KCNB2: variants seen among roughly 807,000 people sequenced by gnomAD.
KCNB2 encodes delayed rectifier potassium channel protein.
A neutral mutation model predicts 61.5 loss-of-function variants in KCNB2; 15 were observed. That is an observed-to-expected ratio of 0.24 (90% CI 0.16 to 0.38). The LOEUF is 0.38. Ranked by LOEUF, KCNB2 falls within the 10% of genes least tolerant of loss-of-function variation. KCNB2 has a pLI of 1.00. For synonymous variants in KCNB2, 457 were observed against 446.0 expected, an observed-to-expected ratio of 1.02 and a Z score of -0.31; for missense variants, 828 against 1,125.2, an observed-to-expected ratio of 0.74 and a Z score of 3.78.
intron 2 of KCNB2, among the ~76,000 whole-genome samples, chr8:72,688,757 C>T (rs1378688882): frequency 2.0e-5 from 3 of 152,074 alleles, no homozygotes; most frequent in Non-Finnish European, 4.4e-5. Context: ...GACAAGGTCT[C>T]ACTCTGTTAC....
chr8:72,573,180 C>T (rs80136607), intron 2 of KCNB2, among the ~76,000 whole-genome samples: 9 of 86,040 alleles, frequency 1.0e-4, no homozygotes, highest in African/African-American at 1.7e-4. Flanking sequence ...TAAAATAAAA[C>T]AAAAACTCCT....
At chr8:72,576,003 A>C (rs1806789026) in intron 2 of KCNB2, among the ~76,000 whole-genome samples, 1 of 152,234 alleles carries the variant, frequency 6.6e-6, no homozygotes, top group South Asian at 2.1e-4. Flanking sequence ...CTGTCTGTTT[A>C]CCCATTTGAA....
chr8:72,785,634 A>T (rs908517259), intron 2 of KCNB2, among the ~76,000 whole-genome samples: 5 of 152,162 alleles, frequency 3.3e-5, no homozygotes, highest in Admixed American at 6.6e-5. Context: ...CCTGTTTTAT[A>T]TGATTGGAGA....
chr8:72,820,985 TAA>T (rs889961116), intron 2 of KCNB2, among the ~76,000 whole-genome samples: 12 of 152,282 alleles, frequency 7.9e-5, no homozygotes, highest in Admixed American at 7.8e-4. Context: ...TGTAATCTGC[TAA>T]AGTTTTTTTT....
intron 2 of KCNB2, among the ~76,000 whole-genome samples, chr8:72,809,370 G>A (rs1308700309): frequency 6.6e-6 from 1 of 151,916 alleles, no homozygotes; most frequent in Non-Finnish European, 1.5e-5. Context: ...TTCTCCCAAT[G>A]GCATATATGA....
intron 2 of KCNB2, among the ~76,000 whole-genome samples, chr8:72,631,384 G>A (rs561234894): frequency 8.5e-5 from 13 of 152,270 alleles, no homozygotes; most frequent in African/African-American, 2.9e-4. Context: ...AGCGTCTGGT[G>A]GTTTGCTGGC....
chr8:72,641,095 T>G (rs1295952815), intron 2 of KCNB2, among the ~76,000 whole-genome samples: 1 of 152,058 alleles, frequency 6.6e-6, no homozygotes, highest in Non-Finnish European at 1.5e-5. Flanking sequence ...GTTGCCACCT[T>G]GTATAATTAT....
At chr8:72,568,989 G>C (rs1806669163) in intron 2 of KCNB2, among the ~76,000 whole-genome samples, 2 of 151,788 alleles carry the variant, frequency 1.3e-5, no homozygotes, top group African/African-American at 2.4e-5. Flanking sequence ...TTAAAATGAA[G>C]GTAAATTCAT....
chr8:72,647,428 T>C (rs555290454), intron 2 of KCNB2, among the ~76,000 whole-genome samples: 1 of 152,310 alleles, frequency 6.6e-6, no homozygotes, highest in African/African-American at 2.4e-5. Flanking sequence ...GAAATTAATA[T>C]AAATTTTAAA....
At chr8:72,548,360 T>C (rs994823565) in intron 1 of KCNB2, among the ~76,000 whole-genome samples, 3 of 152,204 alleles carry the variant, frequency 2.0e-5, no homozygotes, top group Admixed American at 6.5e-5. Flanking sequence ...AACCAGTCAT[T>C]GACGCATAAC....
At chr8:72,922,600 A>G (rs139715711) in intron 2 of KCNB2, among the ~76,000 whole-genome samples, 38 of 152,318 alleles carry the variant, frequency 2.5e-4, no homozygotes, top group African/African-American at 8.9e-4. Context: ...TGCTCTCTTC[A>G]GCCTGTCTTA....
chr8:72,766,904 C>T (rs56731955), intron 2 of KCNB2, among the ~76,000 whole-genome samples: 4,074 of 152,226 alleles, frequency 0.027, 63 homozygotes, highest in African/African-American at 0.037. Flanking sequence ...CTTACAGTTC[C>T]GCATGACTAG....
At chr8:72,742,273 T>C (rs1484940969) in intron 2 of KCNB2, among the ~76,000 whole-genome samples, 1 of 152,242 alleles carries the variant, frequency 6.6e-6, no homozygotes, top group East Asian at 1.9e-4. Flanking sequence ...AAGTTTCTCC[T>C]TCTTGAAGTA....
intron 2 of KCNB2, among the ~76,000 whole-genome samples, chr8:72,597,342 C>T (rs886894852): frequency 6.6e-6 from 1 of 152,032 alleles, no homozygotes. Context: ...CCCATGTTTT[C>T]CCTTTTATAA....
Position 72,561,764 on chromosome 8 carries a change from T to TAC in KCNB2, c.-93-5877_-93-5876insCA, listed in dbSNP as rs1563523568. Reference sequence around the variant, plus strand: ...ATATATATGTATATATATATATGGATATATATATATATGGATATATATATA... The same window carrying TAC: ...ATATATATGTATATATATATATGGATACATATATATATATGGATATATATATA... On this transcript the variant is annotated intron_variant, in intron 1 of 2. Transcript: ENST00000523207. Among the ~76,000 whole-genome samples, 45 of 25,496 alleles carry TAC rather than the reference T, an allele frequency of 1.8e-3. 2 individuals carry two copies. The highest frequency in any genetic ancestry group is 9.4e-3 in the African/African-American group (43 of 4,580). The allele number at this position is 25,496 out of a possible 152,430, so 16.7% of individuals were successfully genotyped here.
chr8:72,582,241 G>T (rs933855328), intron 2 of KCNB2, among the ~76,000 whole-genome samples: 2 of 152,220 alleles, frequency 1.3e-5, no homozygotes, highest in African/African-American at 2.4e-5. Flanking sequence ...AATCTTATCT[G>T]CATGTGCCCT....
At chr8:72,693,907 T>C (rs1806978561) in intron 2 of KCNB2, among the ~76,000 whole-genome samples, 1 of 152,170 alleles carries the variant, frequency 6.6e-6, no homozygotes, top group Non-Finnish European at 1.5e-5. Flanking sequence ...TGCCTTAGAG[T>C]TCGACATTGT....
At chr8:72,633,189 G>A (rs539952379) in intron 2 of KCNB2, among the ~76,000 whole-genome samples, 10 of 152,244 alleles carry the variant, frequency 6.6e-5, no homozygotes, top group African/African-American at 1.9e-4. Context: ...CTGAAGGAGG[G>A]CGGTGGTCCC....
chr8:72,792,380 G>C (rs965762564), intron 2 of KCNB2, among the ~76,000 whole-genome samples: 2 of 152,134 alleles, frequency 1.3e-5, no homozygotes, highest in African/African-American at 4.8e-5. Context: ...AAGCTAAGAT[G>C]ATGAAGTAAA....
Sources: allele counts gnomAD v4.1 joint callset (sites outside exome capture counted in the v4.1 genomes callset), GRCh38; gene constraint gnomAD v4.1.1; transcripts MANE v1.5; gene names NCBI Gene and HGNC (gene_info 2026-07-23, HGNC 2026-07-21).